The following PCDH7 variants were observed in gnomAD, a reference collection of about 807,000 sequenced individuals.
PCDH7 encodes the protein protocadherin-7.
In PCDH7, 17 loss-of-function variants were observed where a neutral mutation model predicts 58.9. The ratio of observed to expected loss-of-function variants is 0.29; its 90% confidence interval spans 0.20 to 0.43. PCDH7 has a LOEUF of 0.43. Ranked by LOEUF, PCDH7 falls within the 20% of genes least tolerant of loss-of-function variation. The pLI is 1.00. For synonymous variants in PCDH7, 664 were observed against 616.4 expected (o/e 1.08, Z -1.14); for missense variants, 1,274 against 1,441.0 (o/e 0.88, Z 1.88).
chr4:30,840,183 T>C (rs1176465056), intron 1 of PCDH7, among the ~76,000 whole-genome samples: 1 of 152,090 alleles, frequency 6.6e-6, no homozygotes, highest in African/African-American at 2.4e-5. Flanking sequence ...ATCTGCCTGC[T>C]AGGATTTCTG....
intron 2 of PCDH7, among the ~76,000 whole-genome samples, chr4:30,943,270 A>G (rs1037930588): frequency 6.6e-6 from 1 of 151,958 alleles, no homozygotes; most frequent in Non-Finnish European, 1.5e-5. Flanking sequence ...ATGATAACCA[A>G]TTCACTCTCT....
intron 3 of PCDH7, among the ~76,000 whole-genome samples, chr4:31,130,029 A>C (rs553319289): frequency 6.6e-6 from 1 of 152,206 alleles, no homozygotes; most frequent in African/African-American, 2.4e-5. Context: ...AATAATAAAC[A>C]TCAGAAATCA....
chr4:31,030,872 A>G (rs921025306), intron 3 of PCDH7, among the ~76,000 whole-genome samples: 1 of 152,232 alleles, frequency 6.6e-6, no homozygotes, highest in Non-Finnish European at 1.5e-5. Context: ...GTTGATGATC[A>G]TAATTTTGTT....
chr4:31,034,762 C>T (rs1302536995), intron 3 of PCDH7, among the ~76,000 whole-genome samples: 1 of 152,116 alleles, frequency 6.6e-6, no homozygotes, highest in Non-Finnish European at 1.5e-5. Flanking sequence ...GGGAGCATAT[C>T]TTATCTGTGA....
intron 1 of PCDH7, among the ~76,000 whole-genome samples, chr4:30,882,233 CTCT>C (rs1261330204): frequency 3.3e-5 from 5 of 151,364 alleles, no homozygotes; most frequent in Non-Finnish European, 7.4e-5. Context: ...CCTCCTCCTC[CTCT>C]TCTTCTTCAT....
chr4:30,882,979 C>G (rs942475540), intron 1 of PCDH7, among the ~76,000 whole-genome samples: 1 of 152,188 alleles, frequency 6.6e-6, no homozygotes, highest in Non-Finnish European at 1.5e-5. Context: ...TCTCAAAGAG[C>G]GGCAATTTCC....
intron 3 of PCDH7, among the ~76,000 whole-genome samples, chr4:31,054,328 G>T (rs1035588134): frequency 6.6e-6 from 1 of 152,136 alleles, no homozygotes; most frequent in African/African-American, 2.4e-5. Context: ...TGAAATCAAA[G>T]CAGCCACAAC....
chr4:30,864,741 A>G (rs1734661872), intron 1 of PCDH7, among the ~76,000 whole-genome samples: 1 of 152,074 alleles, frequency 6.6e-6, no homozygotes, highest in African/African-American at 2.4e-5. Flanking sequence ...CTAAGACACT[A>G]TGGCTTGGTC....
intron 3 of PCDH7, among the ~76,000 whole-genome samples, chr4:30,978,554 T>G (rs769665753): frequency 2.6e-4 from 39 of 152,332 alleles, no homozygotes; most frequent in Non-Finnish European, 4.3e-4. Context: ...GTTTAAATTT[T>G]CTTAGCTACG....
In PCDH7 at chr4:31,097,638, A is replaced by ATATATAATC. The variant is rs370034723; in HGVS notation, c.*8-44835_*8-44834insTATATAATC. 7.6e-3 allele frequency among the ~76,000 whole-genome samples: 600 copies of ATATATAATC among 79,202 alleles called. 100 individuals are homozygous for ATATATAATC. Among genetic ancestry groups the ATATATAATC allele is most frequent in the Non-Finnish European group, 0.01 (418 of 41,180 alleles). 52.0% of individuals were successfully genotyped at this position (79,202 alleles called of 152,430 possible). A position where few individuals can be genotyped will look rare whatever the true frequency, so the allele number is the denominator to read the frequency against. ...TATATATATATATATATATATATAT[A>ATATATAATC]AATCTTTTTTCTGTAATTTCTGTAA... On this transcript the variant is annotated intron_variant, in intron 3 of 3. Coordinates refer to the PCDH7 transcript ENST00000509759.
At chr4:30,796,421 G>T (rs1317863042) in intron 1 of PCDH7, among the ~76,000 whole-genome samples, 1 of 152,054 alleles carries the variant, frequency 6.6e-6, no homozygotes, top group African/African-American at 2.4e-5. Flanking sequence ...GGAAATAGGT[G>T]TTCTTTAAAA....
chr4:30,731,343 A>ATG (rs35139268), exon 2 of PCDH7: 10,608 of 152,244 alleles, frequency 0.07, 779 homozygotes, highest in African/African-American at 0.19. Context: ...GTTTCCATAT[A>ATG]TGTGTGTGTG....
intron 3 of PCDH7, among the ~76,000 whole-genome samples, chr4:31,017,405 A>G (rs893017602): frequency 6.6e-6 from 1 of 152,162 alleles, no homozygotes; most frequent in Non-Finnish European, 1.5e-5. Context: ...TTTTGTTCAT[A>G]TATACACTGG....
At chr4:30,825,983 C>T (rs1395076129) in intron 1 of PCDH7, among the ~76,000 whole-genome samples, 1 of 152,060 alleles carries the variant, frequency 6.6e-6, no homozygotes, top group Non-Finnish European at 1.5e-5. Flanking sequence ...CTCGCCTTCC[C>T]TCTCTGTCCT....
chr4:30,882,098 C>G (rs1368767696), intron 1 of PCDH7, among the ~76,000 whole-genome samples: 1 of 143,144 alleles, frequency 7.0e-6, no homozygotes, highest in Non-Finnish European at 1.5e-5. Flanking sequence ...TGCTTCCTCC[C>G]CCTCCTCCCC....
rs147992826 is a variant in PCDH7, at chr4:30,819,869, G to A, written c.70+95273G>A. Among the ~76,000 whole-genome samples the A allele has an allele frequency of 2.7e-3, 408 of 152,232 alleles. 1 individual carries two copies. Among genetic ancestry groups the A allele is most frequent in the African/African-American group, 9.4e-3 (391 of 41,552 alleles). ...AATGGTGCCTCTCCTATCTTCAAGAGCGGTAGTCTTGCCATAAACAAGTTC... is the reference window on the plus strand; with the variant it reads ...AATGGTGCCTCTCCTATCTTCAAGAACGGTAGTCTTGCCATAAACAAGTTC... On this transcript the variant is annotated intron_variant, in intron 1 of 3. Coordinates refer to the PCDH7 transcript ENST00000509759.
chr4:30,900,911 G>A (rs955202604), intron 1 of PCDH7, among the ~76,000 whole-genome samples: 3 of 152,100 alleles, frequency 2.0e-5, no homozygotes, highest in Non-Finnish European at 4.4e-5. Context: ...TGCTAATTGA[G>A]GGGCAACATA....
intron 1 of PCDH7, among the ~76,000 whole-genome samples, chr4:30,897,757 G>GT (rs1214025940): frequency 6.6e-6 from 1 of 152,120 alleles, no homozygotes; most frequent in Non-Finnish European, 1.5e-5. Context: ...AATTATACAG[G>GT]TTAATATTGT....
intron 1 of PCDH7, among the ~76,000 whole-genome samples, chr4:30,745,151 A>C (rs542447417): frequency 6.6e-6 from 1 of 152,124 alleles, no homozygotes; most frequent in East Asian, 1.9e-4. Context: ...GAATGTTTAC[A>C]CCCTCCCATG....
Sources: allele counts gnomAD v4.1 joint callset (sites outside exome capture counted in the v4.1 genomes callset), GRCh38; gene constraint gnomAD v4.1.1; transcripts MANE v1.5; gene names NCBI Gene and HGNC (gene_info 2026-07-23, HGNC 2026-07-21).